The following UBAP2 variants were observed in gnomAD, a reference collection of about 807,000 sequenced individuals.
The protein encoded by UBAP2 is ubiquitin-associated protein 2.
UBAP2 carries 75 observed loss-of-function variants against 139.6 expected under a neutral mutation model. The ratio of observed to expected loss-of-function variants is 0.54; its 90% confidence interval spans 0.45 to 0.65. The LOEUF (loss-of-function observed/expected upper bound fraction) is 0.65, where lower values mean the gene tolerates loss of function less well. UBAP2 is among the 30% of genes least tolerant of loss of function. UBAP2 has a pLI of 0.00. For missense variants in UBAP2, 1,368 were observed against 1,369.6 expected (o/e 1.00, Z 0.02); for synonymous variants, 526 against 526.2 (o/e 1.00, Z 0.01).
chr9:34,003,474 G>T (rs934801531), intron 2 of UBAP2, among the ~76,000 whole-genome samples: 1 of 150,404 alleles, frequency 6.6e-6, no homozygotes, highest in East Asian at 2.0e-4. Context: ...CAGGTTCAAG[G>T]GATTCTCTGC....
In UBAP2 at chr9:33,986,834, C is replaced by A; in HGVS notation, c.446G>T (p.Arg149Ile). The change falls in exon 6 of 29, where the codon AGA (arginine) becomes ATA (isoleucine). Residue 149 changes from arginine (R) to isoleucine (I), a missense_variant. Coordinates refer to ENST00000379238, the MANE Select transcript of UBAP2 (RefSeq NM_001370062.2). The part of the protein sequence containing the change: ...GRGGNRGREF[R>I]GEENGIDCNQ... ...GCAATCAATTCCATTTTCTTCACCT[C>A]TAACTAGGGGGAAAAGAGCAGAAAA... 1 of 1,614,004 alleles carries A rather than the reference C, an allele frequency of 6.2e-7. No individual in the cohort carries two copies. Among genetic ancestry groups the A allele is most frequent in the Non-Finnish European group, 8.5e-7 (1 of 1,179,900 alleles).
chr9:33,923,347 C>T, intron 25 of UBAP2, 32 bp downstream of exon 25: 1 of 1,614,008 alleles, frequency 6.2e-7, no homozygotes, highest in Non-Finnish European at 8.5e-7. Flanking sequence ...CTGTCTAACC[C>T]CATGTGTCTC....
intron 6 of UBAP2, among the ~76,000 whole-genome samples, chr9:33,978,613 T>C (rs1820365111): frequency 6.6e-6 from 1 of 151,836 alleles, no homozygotes; most frequent in Non-Finnish European, 1.5e-5. Context: ...ACCCCATCTC[T>C]ACTAAAAATA....
chr9:33,986,850 G>A lies in UBAP2; in HGVS notation c.443-13C>T. 1 of 1,612,720 alleles carries A rather than the reference G, an allele frequency of 6.2e-7. No homozygotes were observed. Among genetic ancestry groups the A allele is most frequent in the Non-Finnish European group, 8.5e-7 (1 of 1,178,910 alleles). On this transcript the variant is annotated splice_polypyrimidine_tract_variant and intron_variant, in intron 5 of 28. Transcript: ENST00000379238. ...TCTTCACCTCTAACTAGGGGGAAAA[G>A]AGCAGAAAAATCAAATTTCCATTTC...
Position 33,998,933 on chromosome 9 carries a change from C to A in UBAP2, c.100-69G>T. 2.3e-6 allele frequency: 3 copies of A among 1,324,618 alleles called. No individual in the cohort carries two copies. The South Asian group carries it at 3.7e-5, about 16-fold the overall frequency. The allele number at this position is 1,324,618 out of a possible 1,614,324, so 82.1% of individuals were successfully genotyped here. A position where few individuals can be genotyped will look rare whatever the true frequency, so the allele number is the denominator to read the frequency against. On this transcript the variant is annotated intron_variant, in intron 2 of 28. Coordinates refer to ENST00000379238, the MANE Select transcript of UBAP2 (RefSeq NM_001370062.2). The stretch of plus-strand genomic sequence containing the variant: ...ATAAGTTAGATTCCAAAATCTGGGT[C>A]AAACAGATAAGGCTCTCAAGCACTA...
At chr9:34,029,458 G>A (rs570628889) in intron 1 of UBAP2, among the ~76,000 whole-genome samples, 1 of 151,920 alleles carries the variant, frequency 6.6e-6, no homozygotes, top group Admixed American at 6.6e-5. Context: ...GAACCCAGGA[G>A]GCGGAGGTTG....
chr9:33,924,732 C>A (rs146414724), intron 22 of UBAP2, among the ~76,000 whole-genome samples: 1 of 152,126 alleles, frequency 6.6e-6, no homozygotes, highest in African/African-American at 2.4e-5. Context: ...CAGGTAGGCA[C>A]GGGAATAAGC....
chr9:33,962,173 A>T (rs1827096439), intron 9 of UBAP2, among the ~76,000 whole-genome samples: 1 of 152,234 alleles, frequency 6.6e-6, no homozygotes, highest in Non-Finnish European at 1.5e-5. Context: ...GAAACATTAC[A>T]AAAACCTACA....
intron 1 of UBAP2, among the ~76,000 whole-genome samples, chr9:34,027,544 C>T (rs1487090350): frequency 6.7e-6 from 1 of 148,298 alleles, no homozygotes; most frequent in Non-Finnish European, 1.5e-5. Context: ...ACAGTGAGAC[C>T]CCATTTCTAT....
chr9:33,927,419 G>A lies in UBAP2; in HGVS notation c.2372-339C>T, dbSNP rs545281525. Among the ~76,000 whole-genome samples the A allele has an allele frequency of 2.4e-4, 36 of 152,310 alleles. 1 individual carries two copies. In the South Asian group the frequency reaches 3.7e-3, roughly 16 times the overall value. On this transcript the variant is annotated intron_variant, in intron 20 of 28. Transcript: ENST00000379238. ...AAGGAAGCCATGCAGTGCCAGGAGA[G>A]GGACAGGCTGAGTTCGAAGTCGGTT...
chr9:33,998,581 G>T (rs1822403252), intron 3 of UBAP2: 1 of 504,988 alleles, frequency 2.0e-6, no homozygotes, highest in Non-Finnish European at 3.5e-6. Flanking sequence ...AGATTATATT[G>T]TAAGGCAGGT....
At position 33,922,762 on chromosome 9, in the gene UBAP2, TG is replaced by T; in HGVS notation, c.3188del (p.Pro1063HisfsTer148). 6.4e-7 allele frequency: 1 copy of T among 1,559,206 alleles called. No homozygotes were observed. Among genetic ancestry groups the T allele is most frequent in the Admixed American group, 1.9e-5 (1 of 52,420 alleles). ...GGTGGGCTGGCAAGATGTGTAGGAA[TG>T]GTGGGGGTGCATAGCCAGGGGCCGC... is the stretch of plus-strand genomic sequence containing the variant. The part of the protein sequence containing the change: ...SGAAPGYAPP[P>X]FLHILPAHQQ... On this transcript the variant is annotated frameshift_variant, in exon 28 of 29. Transcript: ENST00000379238. LOFTEE classifies it high-confidence loss of function.
intron 6 of UBAP2, among the ~76,000 whole-genome samples, chr9:33,977,330 C>A (rs1221108935): frequency 6.6e-6 from 1 of 152,024 alleles, no homozygotes; most frequent in Non-Finnish European, 1.5e-5. Context: ...AACCACCGCG[C>A]CCAGCCAAAC....
rs534126382 is a variant in UBAP2 at position 33,939,890 on chromosome 9, A to G, written c.1929+1759T>C. Among the ~76,000 whole-genome samples, 8 of 6,086 alleles carry G rather than the reference A, an allele frequency of 1.3e-3. 1 individual carries two copies. Among genetic ancestry groups the G allele is most frequent in the Non-Finnish European group, 2.2e-3 (7 of 3,226 alleles). The allele number at this position is 6,086 out of a possible 152,430, so 4.0% of individuals were successfully genotyped here. ...GGAGGAGGAGGGGAGGAGGAGGAGG[A>G]GGGGAGGAGGAGGAGGATGGGGAGG... is the stretch of plus-strand genomic sequence containing the variant. On this transcript the variant is annotated intron_variant, in intron 16 of 28. Coordinates refer to ENST00000379238, the MANE Select transcript of UBAP2 (RefSeq NM_001370062.2).
At chr9:34,024,557 T>A (rs1825244307) in intron 1 of UBAP2, among the ~76,000 whole-genome samples, 1 of 152,098 alleles carries the variant, frequency 6.6e-6, no homozygotes, top group Admixed American at 6.6e-5. Flanking sequence ...TTTCCAGAGA[T>A]GAAACAGGTT....
chr9:34,007,445 C>T (rs1233029341), intron 2 of UBAP2, among the ~76,000 whole-genome samples: 5 of 149,964 alleles, frequency 3.3e-5, no homozygotes, highest in Non-Finnish European at 7.4e-5. Flanking sequence ...TACCGTGAGC[C>T]ATGTTCGCAT....
At chr9:33,999,204 C>T (rs557150069) in intron 2 of UBAP2, among the ~76,000 whole-genome samples, 46 of 151,902 alleles carry the variant, frequency 3.0e-4, no homozygotes, top group African/African-American at 9.9e-4. Context: ...AAAATCTTGG[C>T]GGGGCATGGT....
intron 27 of UBAP2, 40 bp from the exon 28 acceptor site, chr9:33,922,918 C>T (rs372893129): frequency 5.0e-6 from 8 of 1,613,716 alleles, no homozygotes; most frequent in Middle Eastern, 1.6e-4. Flanking sequence ...TCAGGTTGGG[C>T]TGTAACCTCT....
chr9:34,028,923 G>C (rs1449477452), intron 1 of UBAP2, among the ~76,000 whole-genome samples: 2 of 152,056 alleles, frequency 1.3e-5, no homozygotes, highest in South Asian at 4.2e-4. Context: ...AGCAAACCTG[G>C]GCGGCGTGGC....
Sources: allele counts gnomAD v4.1 joint callset (sites outside exome capture counted in the v4.1 genomes callset), GRCh38; gene constraint gnomAD v4.1.1; transcripts MANE v1.5; gene names NCBI Gene and HGNC (gene_info 2026-07-23, HGNC 2026-07-21).